Variants in COL25A1 observed in about 807,000 individuals in gnomAD.
COL25A1 encodes collagen type XXV alpha 1 chain.
COL25A1 carries 103 observed loss-of-function variants against 128.4 expected under a neutral mutation model. The observed-to-expected ratio is 0.80, with a 90% CI of 0.68 to 0.94. The LOEUF (loss-of-function observed/expected upper bound fraction) is 0.94. Among genes scored for constraint, COL25A1 ranks in the 40% least tolerant of loss-of-function variants. COL25A1 has a pLI of 0.00. For synonymous variants in COL25A1, 279 were observed against 277.2 expected, an observed-to-expected ratio of 1.01 and a Z score of -0.06; for missense variants, 745 against 840.0, an observed-to-expected ratio of 0.89 and a Z score of 1.40.
intron 29 of COL25A1, 117 bp downstream of exon 29, chr4:108,845,072 G>T: frequency 3.6e-6 from 3 of 843,044 alleles, no homozygotes; most frequent in South Asian, 2.8e-5. Context: ...GACAAACCAA[G>T]AGGTTTGAGG....
At chr4:109,233,736 T>C (rs1452365785) in intron 3 of COL25A1, among the ~76,000 whole-genome samples, 3 of 152,114 alleles carry the variant, frequency 2.0e-5, no homozygotes, top group South Asian at 2.1e-4. Flanking sequence ...CATTACTATA[T>C]AGTGCATGAA....
At chr4:109,060,468 C>T (rs1047013544) in intron 3 of COL25A1, among the ~76,000 whole-genome samples, 1 of 152,120 alleles carries the variant, frequency 6.6e-6, no homozygotes, top group Non-Finnish European at 1.5e-5. Flanking sequence ...GACATGGACC[C>T]TGGCAGATGA....
At chr4:109,158,192 C>A (rs569665897) in intron 3 of COL25A1, among the ~76,000 whole-genome samples, 7 of 151,626 alleles carry the variant, frequency 4.6e-5, no homozygotes, top group African/African-American at 1.5e-4. Context: ...AATTAAAAAA[C>A]AAAAAGAAAA....
intron 6 of COL25A1, among the ~76,000 whole-genome samples, chr4:108,993,574 G>A (rs2126016477): frequency 6.6e-6 from 1 of 152,238 alleles, no homozygotes; most frequent in East Asian, 1.9e-4. Context: ...AAATAAATTA[G>A]GTAAGCTGGG....
At chr4:109,265,008 CT>C (rs78526646) in intron 3 of COL25A1, among the ~76,000 whole-genome samples, 2 of 151,948 alleles carry the variant, frequency 1.3e-5, no homozygotes, top group African/African-American at 2.4e-5. Flanking sequence ...TTTATAATGC[CT>C]TTTTTTGTAT....
intron 5 of COL25A1, among the ~76,000 whole-genome samples, chr4:109,032,280 G>A (rs907973696): frequency 5.3e-5 from 8 of 152,092 alleles, no homozygotes; most frequent in Non-Finnish European, 8.8e-5. Flanking sequence ...ACAGTGGAAG[G>A]CATGCCAAAA....
chr4:109,194,537 G>A (rs1372988763), intron 3 of COL25A1, among the ~76,000 whole-genome samples: 1 of 151,952 alleles, frequency 6.6e-6, no homozygotes, highest in African/African-American at 2.4e-5. Context: ...ACCCCATGGA[G>A]TATATAGAAG....
At chr4:108,833,285 C>T (rs1341211061) in intron 31 of COL25A1, among the ~76,000 whole-genome samples, 3 of 152,176 alleles carry the variant, frequency 2.0e-5, no homozygotes, top group Non-Finnish European at 4.4e-5. Flanking sequence ...ACAGATTCTG[C>T]GGCAGTGGCC....
chr4:109,050,549 T>C (rs1760890592), intron 3 of COL25A1, among the ~76,000 whole-genome samples: 1 of 152,164 alleles, frequency 6.6e-6, no homozygotes, highest in Admixed American at 6.5e-5. Context: ...AAGTACTAAT[T>C]AATAATTTAA....
At chr4:108,961,626 G>GTTCTGTTCTA (rs1553984671) in intron 8 of COL25A1, among the ~76,000 whole-genome samples, 1 of 150,972 alleles carries the variant, frequency 6.6e-6, no homozygotes, top group Admixed American at 6.6e-5. Context: ...GTTCTGTTCT[G>GTTCTGTTCTA]TTGTTGTGTT....
intron 5 of COL25A1, among the ~76,000 whole-genome samples, chr4:109,015,797 T>C (rs1417887274): frequency 1.3e-5 from 2 of 152,250 alleles, no homozygotes; most frequent in Non-Finnish European, 2.9e-5. Context: ...CAATGGAACA[T>C]GATAAATGAG....
At chr4:108,934,346 G>GC (rs1747152046) in intron 11 of COL25A1, among the ~76,000 whole-genome samples, 1 of 146,406 alleles carries the variant, frequency 6.8e-6, no homozygotes, top group Non-Finnish European at 1.5e-5. Context: ...GGGATGGGGG[G>GC]CTGGGGGAGG....
At chr4:108,905,723 C>A (rs1320936904) in intron 13 of COL25A1, among the ~76,000 whole-genome samples, 1 of 151,738 alleles carries the variant, frequency 6.6e-6, no homozygotes, top group Non-Finnish European at 1.5e-5. Context: ...GCCTTTAAAA[C>A]CAAGGAAGGA....
At chr4:109,034,891 C>T (rs1759196714) in intron 5 of COL25A1, among the ~76,000 whole-genome samples, 1 of 152,236 alleles carries the variant, frequency 6.6e-6, no homozygotes, top group African/African-American at 2.4e-5. Flanking sequence ...GATGTTTAGA[C>T]AGGGAACTGA....
At chr4:109,156,743 C>T (rs17039993) in intron 3 of COL25A1, among the ~76,000 whole-genome samples, 4,596 of 152,294 alleles carry the variant, frequency 0.03, 231 homozygotes, top group African/African-American at 0.1. Context: ...AAAATGCACT[C>T]TATTCCATCC....
At chr4:109,013,454 C>CCAG (rs1457646489) in intron 5 of COL25A1, among the ~76,000 whole-genome samples, 1 of 99,678 alleles carries the variant, frequency 1.0e-5, no homozygotes, top group East Asian at 3.9e-4. Context: ...GCTGCCTGAG[C>CCAG]CAGCAGCAGC....
chr4:108,859,490 T>C (rs940841635), intron 24 of COL25A1, among the ~76,000 whole-genome samples, 166 bp downstream of exon 24: 2 of 152,040 alleles, frequency 1.3e-5, no homozygotes, highest in Non-Finnish European at 2.9e-5. Context: ...GAAGATAAAC[T>C]GGGGCACAGA....
At chr4:108,819,393 G>C in intron 35 of COL25A1, 64 bp from the exon 36 acceptor site, 2 of 1,334,924 alleles carry the variant, frequency 1.5e-6, no homozygotes, top group South Asian at 2.5e-5. Flanking sequence ...CAAATTCTGC[G>C]AAAGAAGTAA....
intron 3 of COL25A1, among the ~76,000 whole-genome samples, chr4:109,053,136 GAAA>G (rs574384196): frequency 4.5e-4 from 69 of 152,266 alleles, no homozygotes; most frequent in Non-Finnish European, 7.5e-4. Flanking sequence ...ATGAATTACA[GAAA>G]ACAGAGAGAG....
Sources: gnomAD v4.1 joint callset for allele counts (sites outside exome capture counted in the v4.1 genomes callset) on GRCh38, gnomAD v4.1.1 for gene constraint, MANE v1.5 for transcripts, NCBI Gene and HGNC (gene_info 2026-07-23, HGNC 2026-07-21) for gene names.